NPAS1: variants seen among roughly 807,000 people sequenced by gnomAD.
The protein encoded by NPAS1 is neuronal PAS domain protein 1.
In NPAS1, 29 loss-of-function variants were observed where a neutral mutation model predicts 49.2. The observed-to-expected ratio is 0.59, with a 90% CI of 0.44 to 0.80. The LOEUF (loss-of-function observed/expected upper bound fraction) is 0.80, where lower values mean the gene tolerates loss of function less well. NPAS1 is among the 30% of genes least tolerant of loss of function. The pLI is 0.00. For missense variants in NPAS1, 825 were observed against 835.5 expected, an observed-to-expected ratio of 0.99 and a Z score of 0.15; for synonymous variants, 408 against 380.4, an observed-to-expected ratio of 1.07 and a Z score of -0.84.
chr19:47,039,648 G>C, intron 8 of NPAS1, 84 bp downstream of exon 8: 1 of 1,428,682 alleles, frequency 7.0e-7, no homozygotes, highest in Non-Finnish European at 9.5e-7. Flanking sequence ...GGAGTGCTGG[G>C]TCTGCAGGAT....
Position 47,039,060 on chromosome 19 carries a change from C to G in NPAS1, c.713C>G (p.Pro238Arg). The G allele has an allele frequency of 1.9e-6, 3 of 1,614,178 alleles. No homozygotes were observed. Among genetic ancestry groups the G allele is most frequent in the Non-Finnish European group, 1.7e-6 (2 of 1,180,016 alleles). ...EIEASLTKVP[P>R]SSLVQERSFF... ...GAGGCCAGCCTCACCAAGGTGCCCCCCTCCTCCCTGGTCCAGGAGCGCTCC... is the reference window on the plus strand; with the variant it reads ...GAGGCCAGCCTCACCAAGGTGCCCCGCTCCTCCCTGGTCCAGGAGCGCTCC... Residue 238 changes from proline to arginine, a missense_variant, in exon 7 of 12, where the codon CCC (proline) becomes CGC (arginine). Physicochemically the swap from Pro to Arg is moderately radical, Grantham distance 103. Transcript: ENST00000602212.
rs374752657 is a variant in NPAS1 at position 47,028,296 on chromosome 19, C to G, written c.359-3982C>G. On this transcript the variant is annotated intron_variant, in intron 3 of 11. Transcript: ENST00000602212. ...GAGGGAGGGGGTCCCCGTCAACCCCCCAGCCCCCCAGTAATTGTTCCTGGA... is the reference window on the plus strand; with the variant it reads ...GAGGGAGGGGGTCCCCGTCAACCCCGCAGCCCCCCAGTAATTGTTCCTGGA... Among the ~76,000 whole-genome samples the G allele has an allele frequency of 5.9e-5, 9 of 152,116 alleles. No homozygotes were observed. In the South Asian group the frequency reaches 1.9e-3, roughly 32 times the overall value.
At chr19:47,035,871 G>A (rs970454714) in intron 5 of NPAS1, 93 bp from the exon 6 acceptor site, 1 of 1,311,456 alleles carries the variant, frequency 7.6e-7, no homozygotes, top group East Asian at 2.7e-5. Flanking sequence ...GCACCTGCGT[G>A]CAGGCAAATG....
chr19:47,039,250 G>C (rs1599916607), intron 7 of NPAS1, 99 bp downstream of exon 7: 12 of 1,454,532 alleles, frequency 8.3e-6, no homozygotes, highest in Non-Finnish European at 1.0e-5. Context: ...GGCTGCAGGT[G>C]GCTTAGGGAA....
Position 47,045,217 on chromosome 19 carries a change from C to G in NPAS1, c.1339C>G (p.Gln447Glu). Residue 447 changes from glutamine to glutamate, a missense_variant, in exon 12 of 12, where the codon CAG becomes GAG. Gln to Glu is a conservative substitution (Grantham distance 29). Transcript: ENST00000602212. ...GCCGGAGCCTCCGACGGAAGGGAAGCAGGCTGCCCCAGCGGAGAACGAGGC... is the reference window on the plus strand; with the variant it reads ...GCCGGAGCCTCCGACGGAAGGGAAGGAGGCTGCCCCAGCGGAGAACGAGGC... ...TEPEPPTEGK[Q>E]AAPAENEAPQ... 12 of 1,613,790 alleles carry G rather than the reference C, an allele frequency of 7.4e-6. No individual in the cohort carries two copies. Among genetic ancestry groups the G allele is most frequent in the Non-Finnish European group, 1.0e-5 (12 of 1,179,948 alleles).
At chr19:47,032,592 A>G in intron 4 of NPAS1, 51 bp from the exon 5 acceptor site, 1 of 1,532,118 alleles carries the variant, frequency 6.5e-7, no homozygotes, top group South Asian at 1.1e-5. Context: ...GCGGCTGGAC[A>G]GAGGGACACC....
rs532344209 is a variant in NPAS1 at position 47,021,201 on chromosome 19, C to G, written c.122+32C>G. ...AAAGCCCCGCCCCCCTGGCCGCGGG[C>G]CCCCCCCCGGGTCCAATTCACACCC... On this transcript the variant is annotated intron_variant, in intron 2 of 11. Coordinates refer to ENST00000602212, the MANE Select transcript of NPAS1 (RefSeq NM_002517.4). This position sits in a 1 kb window ranked among gnomAD's most constrained non-coding sequence, Gnocchi z 5.7. 73 of 1,350,124 alleles carry G rather than the reference C, an allele frequency of 5.4e-5. No individual in the cohort carries two copies. Among genetic ancestry groups the G allele is most frequent in the East Asian group, 2.5e-4 (9 of 36,108 alleles). The allele number at this position is 1,350,124 out of a possible 1,614,324, so 83.6% of individuals were successfully genotyped here.
intron 11 of NPAS1, among the ~76,000 whole-genome samples, chr19:47,044,640 G>A (rs975754058): frequency 2.6e-5 from 4 of 152,220 alleles, no homozygotes; most frequent in Non-Finnish European, 5.9e-5. Context: ...TTATTTTACA[G>A]CATCCCTGGC....
At chr19:47,032,506 G>C (rs2056913911) in intron 4 of NPAS1, 137 bp from the exon 5 acceptor site, 1 of 1,082,994 alleles carries the variant, frequency 9.2e-7, no homozygotes. Context: ...CCCTTCCGAG[G>C]ACCACTGAAG....
In NPAS1 at chr19:47,021,758, T is replaced by C; in HGVS notation, c.269T>C (p.Leu90Pro). The change falls in exon 3 of 12, where the codon CTC becomes CCC. Residue 90 changes from leucine to proline, a missense_variant. By Grantham distance (98) the Leu-to-Pro change is moderately conservative. Coordinates refer to ENST00000602212, the MANE Select transcript of NPAS1 (RefSeq NM_002517.4). The surrounding 1 kb of genome is among the most constrained non-coding windows in gnomAD (Gnocchi z 5.7). ...SQLDKASIVR[L>P]SVTYLRLRRF... ...CTGGACAAGGCTTCCATCGTGCGCCTCAGCGTCACCTACCTCCGCCTGCGC... is the reference window on the plus strand; with the variant it reads ...CTGGACAAGGCTTCCATCGTGCGCCCCAGCGTCACCTACCTCCGCCTGCGC... 6.5e-7 allele frequency: 1 copy of C among 1,542,254 alleles called. No individual in the cohort carries two copies. Among genetic ancestry groups the C allele is most frequent in the Non-Finnish European group, 8.7e-7 (1 of 1,144,286 alleles).
chr19:47,036,774 C>T (rs1280768486), intron 6 of NPAS1, among the ~76,000 whole-genome samples: 4 of 150,630 alleles, frequency 2.7e-5, no homozygotes. Context: ...CCCAGCTACT[C>T]GGGAGGCTGA....
chr19:47,042,790 C>T lies in NPAS1; in HGVS notation c.1218-20C>T, dbSNP rs747695859. 49 of 1,592,754 alleles carry T rather than the reference C, an allele frequency of 3.1e-5. No individual in the cohort carries two copies. The highest frequency in any genetic ancestry group is 4.0e-5 in the Non-Finnish European group (47 of 1,169,238). Reference sequence around the variant, plus strand: ...AGGCCAAGGACCCCTGGCTCCTAACCGCATCCATCTTCTCCCCAGCCAAGC... The same window carrying T: ...AGGCCAAGGACCCCTGGCTCCTAACTGCATCCATCTTCTCCCCAGCCAAGC... On this transcript the variant is annotated intron_variant, in intron 10 of 11. Transcript: ENST00000602212.
At chr19:47,035,695 C>T (rs1409277701) in intron 5 of NPAS1, among the ~76,000 whole-genome samples, 1 of 152,182 alleles carries the variant, frequency 6.6e-6, no homozygotes, top group Non-Finnish European at 1.5e-5. Flanking sequence ...TGACACCTCC[C>T]ACCCACGCCC....
chr19:47,043,896 C>A lies in NPAS1; in HGVS notation c.1312+992C>A, dbSNP rs185541164. Among the ~76,000 whole-genome samples the A allele has an allele frequency of 1.8e-3, 267 of 152,104 alleles. 6 individuals are homozygous for A. The South Asian group carries it at 0.036, about 20-fold the overall frequency. ...CCTGGGCAACATAGTGAGACCCCAT[C>A]TCAACAAAAAATTTTAAAACTTAGC... On this transcript the variant is annotated intron_variant, in intron 11 of 11. Coordinates refer to ENST00000602212, the MANE Select transcript of NPAS1 (RefSeq NM_002517.4).
chr19:47,045,065 C>CA (rs377046432), intron 11 of NPAS1, 126 bp from the exon 12 acceptor site: 1,826 of 878,060 alleles, frequency 2.1e-3, no homozygotes, highest in Non-Finnish European at 2.5e-3. Flanking sequence ...AACAAACAAA[C>CA]AAAAAAAAAA....
intron 5 of NPAS1, among the ~76,000 whole-genome samples, chr19:47,034,471 A>C (rs1034771858): frequency 2.0e-5 from 3 of 152,232 alleles, no homozygotes; most frequent in Non-Finnish European, 4.4e-5. Flanking sequence ...TAGGAAATTT[A>C]GGAAATTCAG....
chr19:47,039,834 GTCTCTGGTCTTTCATTTCTCATT>G (rs957328686), intron 8 of NPAS1, among the ~76,000 whole-genome samples: 27 of 140,986 alleles, frequency 1.9e-4, no homozygotes, highest in Non-Finnish European at 3.8e-4. Context: ...ATCTTGGCCC[GTCTCTGGTCTTTCATTTCTCATT>G]TCTCTGGTCT....
At position 47,041,026 on chromosome 19, in the gene NPAS1, G is replaced by A. The variant is rs754120299; in HGVS notation, c.1118G>A (p.Arg373His). ...ACTGGTTACTACCGTTGGCTGCAGC[G>A]TGCCGGGGGCTTCGTGTGGCTGCAG... ...VMTGYYRWLQ[R>H]AGGFVWLQSV... The change falls in exon 10 of 12, where the codon CGT (arginine) becomes CAT (histidine). Residue 373 changes from arginine (R) to histidine (H), a missense_variant. Transcript: ENST00000602212. 4.5e-6 allele frequency: 7 copies of A among 1,565,564 alleles called. No individual in the cohort carries two copies. The Admixed American group carries it at 5.7e-5, about 13-fold the overall frequency.
At chr19:47,025,502 T>A (rs1488247761) in intron 3 of NPAS1, among the ~76,000 whole-genome samples, 1 of 151,694 alleles carries the variant, frequency 6.6e-6, no homozygotes, top group Admixed American at 6.6e-5. Context: ...GGTCTCAAAC[T>A]CCTGACCTCA....
Sources: gnomAD v4.1 joint callset for allele counts (sites outside exome capture counted in the v4.1 genomes callset) on GRCh38, gnomAD v4.1.1 for gene constraint, Gnocchi (gnomAD v3.1) non-coding constraint, MANE v1.5 for transcripts, NCBI Gene and HGNC (gene_info 2026-07-23, HGNC 2026-07-21) for gene names.